FGD6: variants seen among roughly 807,000 people sequenced by gnomAD.
FGD6 encodes the protein FYVE, RhoGEF and PH domain containing 6, also known as FYVE, RhoGEF and PH domain-containing protein 6.
In FGD6, 90 loss-of-function variants were observed where a neutral mutation model predicts 149.4. That is an observed-to-expected ratio of 0.60 (90% CI 0.51 to 0.72). The LOEUF is 0.72. FGD6 is among the 30% of genes least tolerant of loss of function. FGD6 has a pLI of 0.00. For synonymous variants in FGD6, 527 were observed against 584.0 expected (o/e 0.90, Z 1.41); for missense variants, 1,437 against 1,684.8 (o/e 0.85, Z 2.57).
chr12:95,198,256 T>C (rs1881779222), intron 2 of FGD6, among the ~76,000 whole-genome samples: 1 of 152,204 alleles, frequency 6.6e-6, no homozygotes, highest in Non-Finnish European at 1.5e-5. Context: ...CTTCAGTTTA[T>C]CTACAAGTTA....
In FGD6 at chr12:95,210,077, C is replaced by T. The variant is rs926233126; in HGVS notation, c.1207G>A (p.Ala403Thr). 1.9e-6 allele frequency: 3 copies of T among 1,614,118 alleles called. No homozygotes were observed. Among genetic ancestry groups the T allele is most frequent in the Non-Finnish European group, 1.7e-6 (2 of 1,180,038 alleles). The change falls in exon 2 of 21, where the codon GCC becomes ACC. Residue 403 changes from alanine to threonine, a missense_variant. Physicochemically the swap from Ala to Thr is moderately conservative, Grantham distance 58. Coordinates refer to ENST00000343958, the MANE Select transcript of FGD6 (RefSeq NM_018351.4). ...AAGGAAGTTGTTTCATTACACATGG[C>T]TTTCTGTGAATTGACTAAGTCCTGT... is the stretch of plus-strand genomic sequence containing the variant. ...DAQDLVNSQKAMCNETTSFEK... is the reference protein window; with the variant it reads ...DAQDLVNSQKTMCNETTSFEK...
At chr12:95,169,081 AG>A (rs1238237226) in intron 3 of FGD6, among the ~76,000 whole-genome samples, 1 of 152,220 alleles carries the variant, frequency 6.6e-6, no homozygotes, top group African/African-American at 2.4e-5. Context: ...ATTCTAAAGG[AG>A]GGAAATTATT....
chr12:95,137,713 AAGAG>A, intron 6 of FGD6, 35 bp from the exon 7 acceptor site: 1 of 1,474,112 alleles, frequency 6.8e-7, no homozygotes. Context: ...AAAAAATATA[AAGAG>A]AGATTGATGA....
chr12:95,196,164 C>T (rs1009438855), intron 2 of FGD6, among the ~76,000 whole-genome samples: 20 of 152,246 alleles, frequency 1.3e-4, no homozygotes, highest in East Asian at 5.8e-4. Context: ...TGAGTAATTT[C>T]GTATTTTTAA....
At chr12:95,175,354 G>A (rs1881105707) in intron 2 of FGD6, among the ~76,000 whole-genome samples, 1 of 152,156 alleles carries the variant, frequency 6.6e-6, no homozygotes, top group Non-Finnish European at 1.5e-5. Context: ...AAATGAAAAT[G>A]ATATCAGAAA....
intron 15 of FGD6, among the ~76,000 whole-genome samples, chr12:95,093,098 G>A (rs1414596657): frequency 6.6e-6 from 1 of 152,170 alleles, no homozygotes; most frequent in African/African-American, 2.4e-5. Context: ...GCGGGTGCCT[G>A]TGATCCCAGC....
Position 95,078,592 on chromosome 12 carries a change from A to C in FGD6, c.*2928T>G, listed in dbSNP as rs1184959574. The C allele has an allele frequency of 6.6e-6, 1 of 152,252 alleles. No individual in the cohort carries two copies. The highest frequency in any genetic ancestry group is 1.5e-5 in the Non-Finnish European group (1 of 68,034). 9.4% of individuals were successfully genotyped at this position (152,252 alleles called of 1,614,324 possible). A position where few individuals can be genotyped will look rare whatever the true frequency, so the allele number is the denominator to read the frequency against. On this transcript the variant is annotated 3_prime_UTR_variant, in exon 21 of 21. Transcript: ENST00000343958. ...AAGAAATGCTACTACACACTCAAAGAATCAAGAATCTTGGGCAACCAAAAT... is the reference window on the plus strand; with the variant it reads ...AAGAAATGCTACTACACACTCAAAGCATCAAGAATCTTGGGCAACCAAAAT...
chr12:95,094,481 C>G, intron 15 of FGD6, 111 bp downstream of exon 15: 1 of 694,340 alleles, frequency 1.4e-6, no homozygotes, highest in Non-Finnish European at 2.5e-6. Context: ...TCTCTGATGT[C>G]CAGTCCAATC....
At chr12:95,139,194 C>G (rs2136261457) in intron 6 of FGD6, among the ~76,000 whole-genome samples, 1 of 152,152 alleles carries the variant, frequency 6.6e-6, no homozygotes, top group South Asian at 2.1e-4. Context: ...AATCCTAGCA[C>G]TTTGGGAGGC....
chr12:95,111,289 C>G (rs538386708), intron 9 of FGD6, among the ~76,000 whole-genome samples: 53 of 152,258 alleles, frequency 3.5e-4, no homozygotes, highest in Non-Finnish European at 6.0e-4. Context: ...CCACTGCTCA[C>G]CATATGATTG....
intron 5 of FGD6, among the ~76,000 whole-genome samples, chr12:95,149,205 T>TTATATATTATATAATATATAGCA: frequency 5.5e-4 from 4 of 7,304 alleles, no homozygotes; most frequent in Non-Finnish European, 7.9e-4. Flanking sequence ...ATATATAATA[T>TTATATATTATATAATATATAGCA]TATATATTAT....
At chr12:95,182,553 G>C (rs1298800128) in intron 2 of FGD6, among the ~76,000 whole-genome samples, 1 of 152,148 alleles carries the variant, frequency 6.6e-6, no homozygotes, top group Admixed American at 6.6e-5. Context: ...TATAAAAATG[G>C]TGATGCCATT....
intron 8 of FGD6, chr12:95,117,077 G>A (rs1227000492): frequency 1.9e-5 from 5 of 269,256 alleles, no homozygotes; most frequent in Non-Finnish European, 3.0e-5. Flanking sequence ...GTATTCGGCA[G>A]AAGCTTTCCT....
chr12:95,157,655 TA>T (rs1880511874), intron 3 of FGD6, among the ~76,000 whole-genome samples: 1 of 152,256 alleles, frequency 6.6e-6, no homozygotes, highest in South Asian at 2.1e-4. Context: ...AAATAATCTT[TA>T]AATGGATTAC....
chr12:95,083,257 A>G (rs1877757926), intron 20 of FGD6, among the ~76,000 whole-genome samples: 1 of 151,552 alleles, frequency 6.6e-6, no homozygotes, highest in South Asian at 2.1e-4. Context: ...TCTGTCATGT[A>G]CTTCAAAAAG....
At chr12:95,093,185 C>T (rs950480086) in intron 15 of FGD6, among the ~76,000 whole-genome samples, 2 of 151,894 alleles carry the variant, frequency 1.3e-5, no homozygotes, top group African/African-American at 4.8e-5. Flanking sequence ...TGTCCCACTG[C>T]ACTCCAGCCT....
intron 2 of FGD6, among the ~76,000 whole-genome samples, chr12:95,187,210 A>G (rs1435325673): frequency 6.6e-6 from 1 of 151,966 alleles, no homozygotes; most frequent in Non-Finnish European, 1.5e-5. Flanking sequence ...AGGCGCCTGT[A>G]GTCCCAACTA....
chr12:95,085,422 C>G lies in FGD6; in HGVS notation c.4107+358G>C, dbSNP rs548168322. 3 of 218,370 alleles carry G rather than the reference C, an allele frequency of 1.4e-5. No individual in the cohort carries two copies. The South Asian group carries it at 4.1e-4, about 30-fold the overall frequency. 13.5% of individuals were successfully genotyped at this position (218,370 alleles called of 1,614,324 possible). ...TTCGCCATGTTGGCCAGGCTAGTCT[C>G]GAACTCCTGACCTCAGGTGATCCAC... On this transcript the variant is annotated intron_variant, in intron 19 of 20. Coordinates refer to ENST00000343958, the MANE Select transcript of FGD6 (RefSeq NM_018351.4).
chr12:95,126,446 A>C (rs904140290), intron 8 of FGD6: 42 of 1,002,096 alleles, frequency 4.2e-5, no homozygotes, highest in Non-Finnish European at 5.5e-5. Context: ...CAAAAAACAA[A>C]GGCCAGCCAT....
Sources: allele counts gnomAD v4.1 joint callset (sites outside exome capture counted in the v4.1 genomes callset), GRCh38; gene constraint gnomAD v4.1.1; transcripts MANE v1.5; gene names NCBI Gene and HGNC (gene_info 2026-07-23, HGNC 2026-07-21).